The following CTNNA3 variants were observed in gnomAD, a reference collection of about 807,000 sequenced individuals.
CTNNA3 encodes catenin alpha-3.
In CTNNA3, 76 loss-of-function variants were observed where a neutral mutation model predicts 95.7. The ratio of observed to expected loss-of-function variants is 0.79; its 90% CI spans 0.66 to 0.96. CTNNA3 has a LOEUF of 0.96. Ranked by LOEUF, CTNNA3 falls within the 40% of genes least tolerant of loss-of-function variation. The pLI is 0.00. For missense variants in CTNNA3, 1,191 were observed against 1,089.8 expected (o/e 1.09, Z -1.31); for synonymous variants, 431 against 374.4 (o/e 1.15, Z -1.74).
chr10:66,631,772 T>A (rs1415464958), intron 9 of CTNNA3, among the ~76,000 whole-genome samples: 1 of 151,956 alleles, frequency 6.6e-6, no homozygotes, highest in Non-Finnish European at 1.5e-5. Context: ...AAAAAAGCAA[T>A]AGATGCAAAT....
At chr10:66,952,615 A>T (rs1427439934) in intron 7 of CTNNA3, among the ~76,000 whole-genome samples, 1 of 152,106 alleles carries the variant, frequency 6.6e-6, no homozygotes, top group Non-Finnish European at 1.5e-5. Flanking sequence ...ATGGGCCATT[A>T]TAGAAGGTAA....
intron 15 of CTNNA3, among the ~76,000 whole-genome samples, chr10:66,015,787 A>G (rs952699036): frequency 5.3e-5 from 8 of 152,172 alleles, no homozygotes; most frequent in African/African-American, 1.9e-4. Context: ...CAGTTCATTC[A>G]CCATACTTAA....
intron 7 of CTNNA3, among the ~76,000 whole-genome samples, chr10:66,939,061 C>A (rs1242708111): frequency 6.6e-6 from 1 of 152,170 alleles, no homozygotes; most frequent in Non-Finnish European, 1.5e-5. Flanking sequence ...CAAGGGAACA[C>A]CCTACGCTAT....
In CTNNA3 at chr10:67,264,724, T is replaced by G. The variant is rs189471479; in HGVS notation, c.580-44854A>C. 4.1e-4 allele frequency among the ~76,000 whole-genome samples: 62 copies of G among 152,282 alleles called. 2 individuals carry two copies. The highest frequency in any genetic ancestry group is 4.1e-3 in the Admixed American group (62 of 15,282). On this transcript the variant is annotated intron_variant, in intron 5 of 17. Coordinates refer to ENST00000433211, the MANE Select transcript of CTNNA3 (RefSeq NM_013266.4). The stretch of plus-strand genomic sequence containing the variant: ...ATTATAGATACCATAACTTCCTAGA[T>G]TCATGAAATGTTAGAGATAGAGGTT...
At chr10:67,719,244 AAAAC>A (rs1398283790) in intron 1 of CTNNA3, among the ~76,000 whole-genome samples, 1 of 151,912 alleles carries the variant, frequency 6.6e-6, no homozygotes, top group East Asian at 1.9e-4. Flanking sequence ...TCTTTAAAAA[AAAAC>A]AGTTCCTGGA....
At chr10:67,020,085 C>T (rs1158194947) in intron 7 of CTNNA3, among the ~76,000 whole-genome samples, 1 of 152,100 alleles carries the variant, frequency 6.6e-6, no homozygotes, top group Non-Finnish European at 1.5e-5. Context: ...TCTCTTGCAG[C>T]ACAGTCCCAA....
At chr10:66,024,467 G>A (rs1589262134) in intron 15 of CTNNA3, among the ~76,000 whole-genome samples, 2 of 152,134 alleles carry the variant, frequency 1.3e-5, no homozygotes, top group South Asian at 2.1e-4. Flanking sequence ...GTTTGAAAAT[G>A]TCCATACTTT....
intron 10 of CTNNA3, among the ~76,000 whole-genome samples, chr10:66,530,827 C>A (rs1841440518): frequency 6.6e-6 from 1 of 152,042 alleles, no homozygotes; most frequent in Non-Finnish European, 1.5e-5. Flanking sequence ...GTATAAGAAA[C>A]CAAGCTATCC....
At chr10:66,465,938 T>A (rs1838893774) in intron 11 of CTNNA3, among the ~76,000 whole-genome samples, 1 of 152,104 alleles carries the variant, frequency 6.6e-6, no homozygotes, top group East Asian at 1.9e-4. Flanking sequence ...AGACAACATA[T>A]CTACATGTCC....
At chr10:66,875,289 A>T (rs1844572291) in intron 7 of CTNNA3, among the ~76,000 whole-genome samples, 1 of 152,102 alleles carries the variant, frequency 6.6e-6, no homozygotes, top group Non-Finnish European at 1.5e-5. Flanking sequence ...ACTGTCCCAA[A>T]AGGCTACAGC....
At chr10:67,320,558 G>A (rs1370535117) in intron 5 of CTNNA3, among the ~76,000 whole-genome samples, 7 of 152,284 alleles carry the variant, frequency 4.6e-5, no homozygotes, top group African/African-American at 1.7e-4. Context: ...TAGACAAAAT[G>A]CTCACAGAAC....
chr10:67,317,474 G>A (rs1439217961), intron 5 of CTNNA3, among the ~76,000 whole-genome samples: 2 of 147,334 alleles, frequency 1.4e-5, no homozygotes, highest in Non-Finnish European at 3.0e-5. Flanking sequence ...TCGCCAGGCT[G>A]CAGTGCAGTG....
At chr10:66,181,985 T>C (rs910200076) in intron 13 of CTNNA3, among the ~76,000 whole-genome samples, 4 of 152,184 alleles carry the variant, frequency 2.6e-5, no homozygotes, top group Admixed American at 1.3e-4. Flanking sequence ...GAAATATAGA[T>C]AATTTTGCAA....
At chr10:67,372,286 A>G (rs1327382480) in intron 5 of CTNNA3, among the ~76,000 whole-genome samples, 2 of 152,078 alleles carry the variant, frequency 1.3e-5, no homozygotes, top group African/African-American at 4.8e-5. Flanking sequence ...GGTGTTTTAG[A>G]CATGAAGTCC....
intron 7 of CTNNA3, among the ~76,000 whole-genome samples, chr10:67,078,066 T>C (rs1306413731): frequency 6.6e-6 from 1 of 152,206 alleles, no homozygotes; most frequent in African/African-American, 2.4e-5. Flanking sequence ...GGGTCATACT[T>C]GGACCAAGTC....
At chr10:66,925,873 G>T (rs1474332661) in intron 7 of CTNNA3, 1 of 350,068 alleles carries the variant, frequency 2.9e-6, no homozygotes, top group African/African-American at 2.2e-5. Context: ...ATTGATCACG[G>T]TGACCATTCA....
At chr10:66,206,328 C>G (rs2087752611) in intron 13 of CTNNA3, among the ~76,000 whole-genome samples, 1 of 151,938 alleles carries the variant, frequency 6.6e-6, no homozygotes. Flanking sequence ...CTTTCAAAGA[C>G]TGCCTTATCA....
intron 7 of CTNNA3, among the ~76,000 whole-genome samples, chr10:66,947,801 G>T (rs1848348923): frequency 6.6e-6 from 1 of 151,936 alleles, no homozygotes. Context: ...ACTAAGTTAG[G>T]CTGGCCAAGA....
chr10:66,634,585 G>GTGTGTGTA, intron 9 of CTNNA3, among the ~76,000 whole-genome samples: 1 of 151,620 alleles, frequency 6.6e-6, no homozygotes, highest in African/African-American at 2.4e-5. Flanking sequence ...GTGTGTGTGT[G>GTGTGTGTA]TGTGTGTGTG....
Sources: allele counts gnomAD v4.1 joint callset (sites outside exome capture counted in the v4.1 genomes callset), GRCh38; gene constraint gnomAD v4.1.1; transcripts MANE v1.5; gene names NCBI Gene and HGNC (gene_info 2026-07-23, HGNC 2026-07-21).